The following ARHGAP39 variants were observed in gnomAD, a reference collection of about 807,000 sequenced individuals.
ARHGAP39 encodes Rho GTPase activating protein 39.
ARHGAP39 carries 44 observed loss-of-function variants against 106.9 expected under a neutral mutation model. The observed-to-expected ratio is 0.41, with a 90% CI of 0.32 to 0.53. The LOEUF (loss-of-function observed/expected upper bound fraction) is 0.53, where lower values mean the gene tolerates loss of function less well. Among genes scored for constraint, ARHGAP39 ranks in the 20% least tolerant of loss-of-function variants. The pLI is 0.21. For synonymous variants in ARHGAP39, 768 were observed against 693.2 expected, an observed-to-expected ratio of 1.11 and a Z score of -1.69; for missense variants, 1,496 against 1,577.3, an observed-to-expected ratio of 0.95 and a Z score of 0.87.
At position 144,599,503 on chromosome 8, in the gene ARHGAP39, A is replaced by C. The variant is rs145592057; in HGVS notation, c.80+6032T>G. 3.2e-3 allele frequency among the ~76,000 whole-genome samples: 488 copies of C among 152,354 alleles called. 4 individuals are homozygous for C. Among genetic ancestry groups the C allele is most frequent in the African/African-American group, 0.011 (455 of 41,582 alleles). ...ATAGAAACCCAGGAGATAAACAGAAAACAAGAGAGTTTCTGCCTGCAGCAG... is the reference window on the plus strand; with the variant it reads ...ATAGAAACCCAGGAGATAAACAGAACACAAGAGAGTTTCTGCCTGCAGCAG... On this transcript the variant is annotated intron_variant, in intron 2 of 11. Coordinates refer to ENST00000377307, the MANE Select transcript of ARHGAP39 (RefSeq NM_025251.3).
intron 2 of ARHGAP39, among the ~76,000 whole-genome samples, chr8:144,601,367 T>G: frequency 7.2e-6 from 1 of 137,954 alleles, no homozygotes; most frequent in South Asian, 2.4e-4. Flanking sequence ...TGCGAGCTCA[T>G]GTACCTGTGT....
chr8:144,569,928 G>C (rs1237269113), intron 3 of ARHGAP39, among the ~76,000 whole-genome samples: 1 of 152,142 alleles, frequency 6.6e-6, no homozygotes, highest in Non-Finnish European at 1.5e-5. Flanking sequence ...ACAGAAAAGC[G>C]TATATGCTGA....
chr8:144,658,595 G>A (rs1821753396), intron 1 of ARHGAP39, among the ~76,000 whole-genome samples: 1 of 152,014 alleles, frequency 6.6e-6, no homozygotes, highest in African/African-American at 2.4e-5. Flanking sequence ...TTTTTAATCA[G>A]GGACCTGATC....
intron 3 of ARHGAP39, among the ~76,000 whole-genome samples, chr8:144,563,571 G>C (rs1262451239): frequency 6.6e-6 from 1 of 151,892 alleles, no homozygotes; most frequent in Non-Finnish European, 1.5e-5. Context: ...AGGATCACTT[G>C]AGACGAGGAG....
intron 1 of ARHGAP39, among the ~76,000 whole-genome samples, chr8:144,655,442 T>C (rs1269084351): frequency 6.6e-6 from 1 of 151,902 alleles, no homozygotes; most frequent in Non-Finnish European, 1.5e-5. Context: ...AATCCAGGGC[T>C]TCTTCTCTGC....
At chr8:144,559,050 T>C (rs1398733695) in intron 3 of ARHGAP39, among the ~76,000 whole-genome samples, 1 of 151,812 alleles carries the variant, frequency 6.6e-6, no homozygotes, top group African/African-American at 2.4e-5. Flanking sequence ...CTATTAAAAA[T>C]ATAAAAAATT....
chr8:144,697,428 C>T, the ARHGAP39 span, among the ~76,000 whole-genome samples: 1 of 151,816 alleles, frequency 6.6e-6, no homozygotes, highest in South Asian at 2.1e-4. Flanking sequence ...TCATTTATTC[C>T]TATTTTCTTT....
intron 1 of ARHGAP39, among the ~76,000 whole-genome samples, chr8:144,638,435 A>G (rs1340937216): frequency 2.0e-5 from 3 of 152,212 alleles, no homozygotes; most frequent in Non-Finnish European, 2.9e-5. Flanking sequence ...GGCTCTTCAA[A>G]TACTGCCTCT....
intron 2 of ARHGAP39, among the ~76,000 whole-genome samples, chr8:144,593,635 G>GA (rs933911446): frequency 3.9e-5 from 6 of 152,066 alleles, no homozygotes; most frequent in Non-Finnish European, 5.9e-5. Flanking sequence ...ACAGCCACAG[G>GA]ATGGGAGAAA....
chr8:144,635,872 A>G (rs1821161616), intron 1 of ARHGAP39, among the ~76,000 whole-genome samples: 1 of 68,080 alleles, frequency 1.5e-5, no homozygotes, highest in Admixed American at 1.5e-4. Context: ...ACCGCCAGGT[A>G]GACAGTGTGG....
At chr8:144,687,784 G>A (rs1282648548), upstream of ARHGAP39, among the ~76,000 whole-genome samples, 6 of 114,214 alleles carry the variant, frequency 5.3e-5, no homozygotes, top group Admixed American at 5.8e-4. Flanking sequence ...CTGGCGGTGA[G>A]CACTTCCCAC....
Position 144,547,795 on chromosome 8 carries a change from G to A in ARHGAP39, c.1291C>T (p.Pro431Ser). The change falls in exon 5 of 12, where the codon CCC (proline) becomes TCC (serine). Residue 431 changes from proline (P) to serine (S), a missense_variant. Pro to Ser is a moderately conservative substitution (Grantham distance 74, BLOSUM62 -1). Coordinates refer to ENST00000377307, the MANE Select transcript of ARHGAP39 (RefSeq NM_025251.3). This position sits in a 1 kb window ranked among gnomAD's most constrained non-coding sequence, Gnocchi z 5.2. ...NPGGGSYSLQ[P>S]SPCLLRDQRL... ...TGGTCCCTCAGCAGGCAGGGGCTGG[G>A]CTGCAAGGAGTACGAACCACCGCCG... 3 of 1,595,424 alleles carry A rather than the reference G, an allele frequency of 1.9e-6. No individual in the cohort carries two copies.
rs550139719 is a variant in ARHGAP39 at position 144,563,446 on chromosome 8, G to C, written c.513-7803C>G. ...AGAAAACTCTGGGCCAAGACTAAAA[G>C]TCTCTGCATGAGAAAAACCTCCCTC... On this transcript the variant is annotated intron_variant, in intron 3 of 11. Transcript: ENST00000377307. 1.4e-4 allele frequency among the ~76,000 whole-genome samples: 21 copies of C among 152,166 alleles called. No homozygotes were observed. In the South Asian group the frequency reaches 3.9e-3, roughly 29 times the overall value.
intron 2 of ARHGAP39, among the ~76,000 whole-genome samples, chr8:144,597,088 T>C (rs1404531236): frequency 6.6e-6 from 1 of 152,216 alleles, no homozygotes; most frequent in African/African-American, 2.4e-5. Context: ...CTGGTTAATC[T>C]GTGCCCAAGG....
chr8:144,685,397 C>T (rs1017176720), intron 1 of ARHGAP39, among the ~76,000 whole-genome samples: 1 of 151,476 alleles, frequency 6.6e-6, no homozygotes, highest in African/African-American at 2.4e-5. Context: ...ACTCACCCAC[C>T]CTCACACTCC....
intron 1 of ARHGAP39, among the ~76,000 whole-genome samples, chr8:144,623,728 C>A (rs1188282538): frequency 6.6e-6 from 1 of 152,214 alleles, no homozygotes; most frequent in African/African-American, 2.4e-5. Context: ...GTCTCTGAAA[C>A]TGACCACAGA....
At chr8:144,597,778 G>A (rs1386189185) in intron 2 of ARHGAP39, among the ~76,000 whole-genome samples, 1 of 152,198 alleles carries the variant, frequency 6.6e-6, no homozygotes, top group Non-Finnish European at 1.5e-5. Context: ...AAGGCAGGTG[G>A]ACAGAGAACG....
At chr8:144,699,037 T>C in the ARHGAP39 span, 2 of 368,220 alleles carry the variant, frequency 5.4e-6, no homozygotes, top group African/African-American at 4.3e-5. Context: ...GTCCTGGAGT[T>C]CCAGGGCTTC....
intron 2 of ARHGAP39, among the ~76,000 whole-genome samples, chr8:144,600,959 C>A (rs1457791968): frequency 7.6e-6 from 1 of 132,448 alleles, no homozygotes; most frequent in African/African-American, 3.0e-5. Context: ...TGCTCGTATA[C>A]CTGTGTGCAT....
Sources: gnomAD v4.1 joint callset for allele counts (sites outside exome capture counted in the v4.1 genomes callset) on GRCh38, gnomAD v4.1.1 for gene constraint, Gnocchi (gnomAD v3.1) non-coding constraint, MANE v1.5 for transcripts, NCBI Gene and HGNC (gene_info 2026-07-23, HGNC 2026-07-21) for gene names.